USP26: variants seen among roughly 807,000 people sequenced by gnomAD.
USP26 encodes the protein ubiquitin carboxyl-terminal hydrolase 26.
For synonymous variants in USP26, 236 were observed against 240.6 expected (o/e 0.98, Z 0.18); for missense variants, 649 against 642.3 (o/e 1.01, Z -0.11).
intron 5 of USP26, among the ~76,000 whole-genome samples, chrX:133,072,808 C>T (rs1602986010): frequency 8.9e-6 from 1 of 112,142 alleles, no homozygotes; most frequent in African/African-American, 3.2e-5. Context: ...GGCTGACCTC[C>T]TACCCTCTTG....
rs190789573 is a variant in USP26 at position 133,080,287 on chromosome X, A to T, written c.-77+3420T>A. Among the ~76,000 whole-genome samples the T allele has an allele frequency of 2.7e-5, 3 of 111,594 alleles. No individual in the cohort carries two copies. In the Admixed American group the frequency reaches 2.9e-4, roughly 11 times the overall value. On this transcript the variant is annotated intron_variant, in intron 5 of 5. Transcript: ENST00000511190. ...AGAATCAGAAGAAAGAAGGCACTGAAACCTGGTACATAGAACTAGCCCAAC... is the reference window on the plus strand; with the variant it reads ...AGAATCAGAAGAAAGAAGGCACTGATACCTGGTACATAGAACTAGCCCAAC...
intron 5 of USP26, among the ~76,000 whole-genome samples, chrX:133,063,690 G>A (rs1223966884): frequency 3.6e-5 from 4 of 111,713 alleles, no homozygotes; most frequent in Non-Finnish European, 1.9e-5. Flanking sequence ...GAGGGATTTT[G>A]TCACCAACAG....
At chrX:133,053,661 G>T (rs2067467024) in intron 5 of USP26, among the ~76,000 whole-genome samples, 1 of 111,747 alleles carries the variant, frequency 8.9e-6, no homozygotes, top group Non-Finnish European at 1.9e-5. Flanking sequence ...AAACTCAGGA[G>T]CCAAGTTAAT....
chrX:133,026,264 G>C lies in USP26; in HGVS notation c.1957C>G (p.Pro653Ala), dbSNP rs143687933. ...AGATACGTCATTAAGTGAGCTAACG[G>C]TTCTTTTTCAATGAATGCTCGATCT... ...SGDRAFIEKE[P>A]LAHLMTYLED... The change falls in exon 6 of 6, where the codon CCG (proline) becomes GCG (alanine). Residue 653 changes from proline (P) to alanine (A), a missense_variant. Coordinates refer to ENST00000511190, the MANE Select transcript of USP26 (RefSeq NM_031907.3). 259 of 1,205,815 alleles carry C rather than the reference G, an allele frequency of 2.1e-4. 1 individual carries two copies. The African/African-American group carries it at 4.0e-3, about 19-fold the overall frequency.
intron 1 of USP26, among the ~76,000 whole-genome samples, 170 bp from the exon 2 acceptor site, chrX:133,091,613 A>G (rs950089792): frequency 1.5e-4 from 17 of 111,912 alleles, no homozygotes; most frequent in Admixed American, 9.5e-5. Context: ...CCCCTGTCTA[A>G]TGAAAGGAAC....
chrX:133,072,378 G>A (rs776416592), intron 5 of USP26, among the ~76,000 whole-genome samples: 6 of 112,083 alleles, frequency 5.4e-5, no homozygotes, highest in African/African-American at 1.9e-4. Context: ...AAACAGGCAC[G>A]CTATCACGTA....
intron 5 of USP26, among the ~76,000 whole-genome samples, chrX:133,034,244 G>A (rs181712149): frequency 6.5e-4 from 73 of 111,788 alleles, no homozygotes; most frequent in African/African-American, 2.2e-3. Context: ...TTCCTTTGCC[G>A]AGAGAAACCA....
At chrX:133,088,775 A>G (rs1008255605) in intron 4 of USP26, among the ~76,000 whole-genome samples, 1 of 112,128 alleles carries the variant, frequency 8.9e-6, no homozygotes, top group Non-Finnish European at 1.9e-5. Context: ...GAGACCCAAG[A>G]TGACTGTGAA....
At chrX:133,089,415 T>C (rs960196648) in intron 4 of USP26, among the ~76,000 whole-genome samples, 2 of 111,755 alleles carry the variant, frequency 1.8e-5, no homozygotes, top group African/African-American at 6.5e-5. Context: ...CCATCCCAGA[T>C]AGCTAGAGTC....
intron 5 of USP26, among the ~76,000 whole-genome samples, chrX:133,060,738 CTTAAT>C (rs1363406327): frequency 9.0e-6 from 1 of 111,730 alleles, no homozygotes; most frequent in East Asian, 2.8e-4. Flanking sequence ...CTAAGTTTAT[CTTAAT>C]ATTATCAGAA....
chrX:133,075,206 T>A (rs1053733076), intron 5 of USP26, among the ~76,000 whole-genome samples: 1 of 111,785 alleles, frequency 8.9e-6, no homozygotes, highest in Non-Finnish European at 1.9e-5. Context: ...CCATTAAGAT[T>A]TTCTAAGATT....
At chrX:133,080,207 G>A (rs1429040196) in intron 5 of USP26, among the ~76,000 whole-genome samples, 1 of 110,829 alleles carries the variant, frequency 9.0e-6, no homozygotes. Flanking sequence ...CTATAGTTAG[G>A]CCTCACAAAC....
At chrX:133,037,922 G>A (rs1019848620) in intron 5 of USP26, among the ~76,000 whole-genome samples, 1 of 110,323 alleles carries the variant, frequency 9.1e-6, no homozygotes, top group Admixed American at 9.7e-5. Flanking sequence ...TATTTTCTTT[G>A]TAGCAATTGT....
At chrX:133,043,009 C>T (rs778075333) in intron 5 of USP26, among the ~76,000 whole-genome samples, 7 of 111,284 alleles carry the variant, frequency 6.3e-5, no homozygotes, top group Admixed American at 9.5e-5. Flanking sequence ...AGGAAAGGTA[C>T]GAAGTATTTC....
At chrX:133,029,334 C>G (rs761446289) in intron 5 of USP26, among the ~76,000 whole-genome samples, 2 of 112,519 alleles carry the variant, frequency 1.8e-5, no homozygotes, top group South Asian at 7.3e-4. Context: ...TTATCAAAAT[C>G]TTAAAATTGG....
At chrX:133,093,072 C>G (rs766764856) in intron 1 of USP26, among the ~76,000 whole-genome samples, 1 of 110,981 alleles carries the variant, frequency 9.0e-6, no homozygotes, top group East Asian at 2.9e-4. Flanking sequence ...GCCTGGGCAA[C>G]ATGGCAAAAC....
rs1425710049 is a variant in USP26 at position 133,091,460 on chromosome X, T to C, written c.-392-17A>G. 5 of 112,247 alleles carry C rather than the reference T, an allele frequency of 4.5e-5. No individual in the cohort carries two copies. In the East Asian group the frequency reaches 1.4e-3, roughly 31 times the overall value. 9.3% of individuals were successfully genotyped at this position (112,247 alleles called of 1,213,427 possible). ...TGTCTCTTACTGGTTTTCCAAAAAA[T>C]AGAAATAAAGATCAGAACTTTGGTG... On this transcript the variant is annotated splice_polypyrimidine_tract_variant and intron_variant, in intron 1 of 5. Transcript: ENST00000511190.
intron 5 of USP26, among the ~76,000 whole-genome samples, chrX:133,054,680 A>T (rs747458692): frequency 9.0e-6 from 1 of 111,399 alleles, no homozygotes; most frequent in East Asian, 2.8e-4. Context: ...AGTCACTCAA[A>T]ATCTGAGTGA....
chrX:133,078,003 G>A (rs2067556082), intron 5 of USP26, among the ~76,000 whole-genome samples: 1 of 111,224 alleles, frequency 9.0e-6, no homozygotes, highest in Non-Finnish European at 1.9e-5. Context: ...AGAATCACCT[G>A]AGCCCAGGAA....
Sources: gnomAD v4.1 joint callset for allele counts (sites outside exome capture counted in the v4.1 genomes callset) on GRCh38, gnomAD v4.1.1 for gene constraint, MANE v1.5 for transcripts, NCBI Gene and HGNC (gene_info 2026-07-23, HGNC 2026-07-21) for gene names.